Variants in NARS2 observed in about 807,000 individuals in gnomAD.
NARS2 encodes the protein asparaginyl-tRNA synthetase.
Under a neutral mutation model 62.9 loss-of-function variants are expected in NARS2, and 60 were observed. The ratio of observed to expected loss-of-function variants is 0.95; its 90% CI spans 0.77 to 1.18. The LOEUF is 1.18. Among genes scored for constraint, NARS2 ranks in the 50% most tolerant of loss-of-function variants. The pLI is 0.00. For synonymous variants in NARS2, 196 were observed against 200.0 expected, an observed-to-expected ratio of 0.98 and a Z score of 0.17; for missense variants, 619 against 576.4, an observed-to-expected ratio of 1.07 and a Z score of -0.76.
At chr11:78,481,119 CCTAA>C (rs147506385) in intron 7 of NARS2, among the ~76,000 whole-genome samples, 5,170 of 152,048 alleles carry the variant, frequency 0.034, 274 homozygotes, top group African/African-American at 0.12. Context: ...CCACACCTGG[CCTAA>C]CTTTTTATTT....
Position 78,574,458 on chromosome 11 carries a change from C to A in NARS2, c.31G>T (p.Val11Leu). 1.2e-6 allele frequency: 2 copies of A among 1,613,658 alleles called. No individual in the cohort carries two copies. Among genetic ancestry groups the A allele is most frequent in the South Asian group, 1.1e-5 (1 of 91,064 alleles). The change falls in exon 1 of 14, where the codon GTG becomes TTG. Residue 11 changes from valine to leucine, a missense_variant. Physicochemically the swap from Val to Leu is conservative, Grantham distance 32. Transcript: ENST00000281038. MLGVRCLLRS[V>L]RFCSSAPFPK... ...AAGGGGGCGGAGGAACAGAAGCGCA[C>A]GGACCGCAGCAGGCAGCGGACCCCC...
chr11:78,517,199 AG>A (rs902507164), intron 6 of NARS2, among the ~76,000 whole-genome samples: 3 of 146,572 alleles, frequency 2.0e-5, no homozygotes, highest in African/African-American at 8.2e-5. Context: ...AAGGATTCAA[AG>A]GGTATGGAAC....
chr11:78,487,954 G>A, intron 7 of NARS2, among the ~76,000 whole-genome samples: 1 of 152,172 alleles, frequency 6.6e-6, no homozygotes, highest in Non-Finnish European at 1.5e-5. Context: ...TCTTTAGGCT[G>A]AAGCAAAGTG....
At chr11:78,497,785 G>C (rs1860123746) in intron 6 of NARS2, among the ~76,000 whole-genome samples, 1 of 151,890 alleles carries the variant, frequency 6.6e-6, no homozygotes, top group South Asian at 2.1e-4. Context: ...TGGTGGAAAG[G>C]GATTATAAAA....
chr11:78,466,844 T>C (rs1028877586), intron 10 of NARS2, among the ~76,000 whole-genome samples: 1 of 152,206 alleles, frequency 6.6e-6, no homozygotes, highest in African/African-American at 2.4e-5. Context: ...GAATATTTAT[T>C]AACTCTGTTC....
Position 78,501,109 on chromosome 11 carries a change from C to T in NARS2, c.690-7914G>A, listed in dbSNP as rs545143788. On this transcript the variant is annotated intron_variant, in intron 6 of 13. Coordinates refer to ENST00000281038, the MANE Select transcript of NARS2 (RefSeq NM_024678.6). ...CCTGTCTCAAACACACATACACACACACAAAACAAAAACAATGACAAGTCC... is the reference window on the plus strand; with the variant it reads ...CCTGTCTCAAACACACATACACACATACAAAACAAAAACAATGACAAGTCC... 9.2e-5 allele frequency among the ~76,000 whole-genome samples: 14 copies of T among 152,170 alleles called. No individual in the cohort carries two copies. The East Asian group carries it at 2.5e-3, about 27-fold the overall frequency.
intron 11 of NARS2, among the ~76,000 whole-genome samples, chr11:78,463,701 T>C (rs1348868588): frequency 2.8e-5 from 1 of 35,296 alleles, no homozygotes; most frequent in Non-Finnish European, 5.6e-5. Context: ...AAAAGACAAC[T>C]ATAGTTAAGG....
At chr11:78,500,878 A>G (rs1284791008) in intron 6 of NARS2, among the ~76,000 whole-genome samples, 1 of 152,100 alleles carries the variant, frequency 6.6e-6, no homozygotes, top group Non-Finnish European at 1.5e-5. Flanking sequence ...GGATCTTTTG[A>G]GGGCAGGATT....
chr11:78,516,841 A>G (rs1860930513), intron 6 of NARS2, among the ~76,000 whole-genome samples: 1 of 152,256 alleles, frequency 6.6e-6, no homozygotes, highest in Non-Finnish European at 1.5e-5. Flanking sequence ...AAATTAAATA[A>G]GACAATCCCT....
chr11:78,479,401 C>T (rs979968228), intron 7 of NARS2, among the ~76,000 whole-genome samples: 11 of 152,070 alleles, frequency 7.2e-5, no homozygotes, highest in African/African-American at 2.4e-4. Flanking sequence ...CCCAGATCCT[C>T]AGGAGGCTGA....
At chr11:78,472,251 G>A (rs554703061) in intron 9 of NARS2, among the ~76,000 whole-genome samples, 4 of 152,208 alleles carry the variant, frequency 2.6e-5, no homozygotes, top group Admixed American at 6.5e-5. Context: ...CTCCTTTCCA[G>A]AAACTGTTTC....
rs116598618 is a variant in NARS2, at chr11:78,460,253, G to C, written c.1164+5623C>G. On this transcript the variant is annotated intron_variant, in intron 11 of 13. Coordinates refer to ENST00000281038, the MANE Select transcript of NARS2 (RefSeq NM_024678.6). ...GCCACTGAATGGCTTTAAGAAGAGTGACAACATGATTGGGTTAATTTTTTT... is the reference window on the plus strand; with the variant it reads ...GCCACTGAATGGCTTTAAGAAGAGTCACAACATGATTGGGTTAATTTTTTT... Among the ~76,000 whole-genome samples the C allele has an allele frequency of 5.2e-3, 782 of 150,118 alleles. 4 individuals are homozygous for C. Among genetic ancestry groups the C allele is most frequent in the African/African-American group, 0.019 (756 of 40,392 alleles).
intron 1 of NARS2, among the ~76,000 whole-genome samples, chr11:78,572,753 G>A (rs931108998): frequency 2.0e-5 from 3 of 152,056 alleles, no homozygotes; most frequent in African/African-American, 4.8e-5. Context: ...TTGTGGCCAC[G>A]TTAAACATAA....
intron 5 of NARS2, among the ~76,000 whole-genome samples, chr11:78,542,047 G>A (rs1304177070): frequency 6.6e-6 from 1 of 152,126 alleles, no homozygotes; most frequent in African/African-American, 2.4e-5. Context: ...TGCTACAAAT[G>A]TGTATCTTGG....
chr11:78,518,682 C>T (rs55974281), intron 6 of NARS2, among the ~76,000 whole-genome samples: 14,852 of 151,788 alleles, frequency 0.098, 2,341 homozygotes, highest in African/African-American at 0.33. Flanking sequence ...CACGCCCGGC[C>T]AATTTTTTGT....
intron 5 of NARS2, among the ~76,000 whole-genome samples, chr11:78,548,313 T>G (rs1224170024): frequency 1.3e-5 from 2 of 152,196 alleles, no homozygotes; most frequent in Non-Finnish European, 2.9e-5. Flanking sequence ...AAAGTTGTTT[T>G]GAGAAGAGGT....
chr11:78,438,187 A>G lies in NARS2; in HGVS notation c.1290-1373T>C, dbSNP rs117300534. 7.5e-3 allele frequency among the ~76,000 whole-genome samples: 1,135 copies of G among 152,236 alleles called. 5 individuals carry two copies. Among genetic ancestry groups the G allele is most frequent in the Non-Finnish European group, 0.011 (754 of 68,014 alleles). On this transcript the variant is annotated intron_variant, in intron 13 of 13. Transcript: ENST00000281038. ...ACTGGTATTGCAAGGAGTTAAGTCTAAGCACTTATCTTTTTAAAGGAAAAG... is the reference window on the plus strand; with the variant it reads ...ACTGGTATTGCAAGGAGTTAAGTCTGAGCACTTATCTTTTTAAAGGAAAAG...
At chr11:78,544,348 T>C in intron 5 of NARS2, among the ~76,000 whole-genome samples, 1 of 152,192 alleles carries the variant, frequency 6.6e-6, no homozygotes, top group Non-Finnish European at 1.5e-5. Context: ...TGAAATTTAG[T>C]GGGTACTACC....
intron 11 of NARS2, among the ~76,000 whole-genome samples, chr11:78,450,067 G>C (rs1244871740): frequency 1.3e-5 from 2 of 152,188 alleles, no homozygotes; most frequent in East Asian, 1.9e-4. Context: ...CTCGACCAAT[G>C]CAAGTCATAT....
Sources: allele counts gnomAD v4.1 joint callset (sites outside exome capture counted in the v4.1 genomes callset), GRCh38; gene constraint gnomAD v4.1.1; transcripts MANE v1.5; gene names NCBI Gene and HGNC (gene_info 2026-07-23, HGNC 2026-07-21).